Variants in RBFOX1 observed in about 807,000 individuals in gnomAD.
RBFOX1 encodes the protein RNA binding fox-1 homolog 1.
A neutral mutation model predicts 57.7 loss-of-function variants in RBFOX1; 8 were observed. The ratio of observed to expected loss-of-function variants is 0.14; its 90% CI spans 0.08 to 0.25. The LOEUF (loss-of-function observed/expected upper bound fraction) is 0.25, where lower values mean the gene tolerates loss of function less well. Ranked by LOEUF, RBFOX1 falls within the 10% of genes least tolerant of loss-of-function variation. The probability of loss-of-function intolerance (pLI) is 1.00; values close to 1 mark genes in which losing one functional copy is unlikely to be tolerated. For synonymous variants in RBFOX1, 326 were observed against 222.4 expected (o/e 1.47, Z -4.15); for missense variants, 611 against 548.5 (o/e 1.11, Z -1.14).
chr16:7,664,878 A>C lies in RBFOX1; in HGVS notation c.891-51A>C, dbSNP rs1342132247. ...CCAGTGCAGGGGTTGGTGTGTCTGC[A>C]TGGGAAATGCACTAATATGGATGTT... On this transcript the variant is annotated intron_variant, in intron 12 of 15. Transcript: ENST00000550418. 4.3e-6 allele frequency: 7 copies of C among 1,613,720 alleles called. No individual in the cohort carries two copies. In the Admixed American group the frequency reaches 6.7e-5, roughly 15 times the overall value.
intron 4 of RBFOX1, among the ~76,000 whole-genome samples, chr16:7,431,778 C>T (rs1386773306): frequency 6.6e-6 from 1 of 152,164 alleles, no homozygotes; most frequent in Non-Finnish European, 1.5e-5. Flanking sequence ...GCTTTAGACC[C>T]ACATTACTGA....
At position 7,510,156 on chromosome 16, in the gene RBFOX1, GC is replaced by G. The variant is rs537727471; in HGVS notation, c.28-7985del. ...GGGGGAGGTCAGCCAGGCGGCCTCA[GC>G]CCCCCACCTTCCTCAACACCCCGAT... On this transcript the variant is annotated intron_variant, in intron 4 of 15. Coordinates refer to ENST00000550418, the MANE Select transcript of RBFOX1 (RefSeq NM_018723.4). 97 of 985,764 alleles carry G rather than the reference GC, an allele frequency of 9.8e-5. No homozygotes were observed. In the Admixed American group the frequency reaches 1.5e-3, roughly 15 times the overall value. The allele number at this position is 985,764 out of a possible 1,614,324, so 61.1% of individuals were successfully genotyped here.
At chr16:6,322,006 G>C (rs8061624) in intron 2 of RBFOX1, among the ~76,000 whole-genome samples, 5,691 of 152,198 alleles carry the variant, frequency 0.037, 335 homozygotes, top group African/African-American at 0.13. Flanking sequence ...CTCACTCATT[G>C]ACCCATGGGC....
At chr16:6,263,256 C>A (rs1039280391) in intron 1 of RBFOX1, among the ~76,000 whole-genome samples, 3 of 152,116 alleles carry the variant, frequency 2.0e-5, no homozygotes, top group African/African-American at 7.2e-5. Context: ...TGTAGAAGTT[C>A]TTAGTCACCC....
Position 5,674,260 on chromosome 16 carries a change from C to G in RBFOX1, c.318+75299C>G, listed in dbSNP as rs139088302. 1.5e-4 allele frequency among the ~76,000 whole-genome samples: 23 copies of G among 152,264 alleles called. No individual in the cohort carries two copies. In the East Asian group the frequency reaches 3.3e-3, roughly 22 times the overall value. ...ATCTTTTAAAGCAATTGAATTTAAC[C>G]TGATTTAGGGTTCAGAGAAGCTGTT... On this transcript the variant is annotated intron_variant, in intron 3 of 19. Coordinates refer to the RBFOX1 transcript ENST00000641259.
chr16:5,589,586 C>T (rs752608174), intron 2 of RBFOX1, among the ~76,000 whole-genome samples: 1 of 152,222 alleles, frequency 6.6e-6, no homozygotes, highest in Non-Finnish European at 1.5e-5. Context: ...TCACACTATT[C>T]TACGTGTTGA....
intron 2 of RBFOX1, among the ~76,000 whole-genome samples, chr16:6,601,452 C>G (rs1273398371): frequency 1.3e-5 from 2 of 152,038 alleles, no homozygotes; most frequent in Admixed American, 6.6e-5. Context: ...TGTCATTTAC[C>G]TCTCCTCTTT....
chr16:7,082,369 C>A (rs975814801), intron 4 of RBFOX1, among the ~76,000 whole-genome samples: 8 of 151,850 alleles, frequency 5.3e-5, no homozygotes, highest in Non-Finnish European at 7.4e-5. Flanking sequence ...TCATTTGAGG[C>A]CAGGAGTTTG....
intron 4 of RBFOX1, among the ~76,000 whole-genome samples, chr16:7,399,306 G>A (rs2098196860): frequency 6.6e-6 from 1 of 150,478 alleles, no homozygotes; most frequent in Non-Finnish European, 1.5e-5. Context: ...AATTAGCCAA[G>A]TGCGATGGCG....
intron 1 of RBFOX1, among the ~76,000 whole-genome samples, chr16:5,253,699 T>G (rs1308710136): frequency 6.6e-6 from 1 of 152,252 alleles, no homozygotes; most frequent in Middle Eastern, 3.2e-3. Flanking sequence ...GGTCTCAATT[T>G]CTTGCAAGTC....
chr16:5,639,805 G>C (rs1041347195), intron 3 of RBFOX1, among the ~76,000 whole-genome samples: 2 of 152,180 alleles, frequency 1.3e-5, no homozygotes, highest in African/African-American at 4.8e-5. Flanking sequence ...CCCTGGGCTG[G>C]TGTCGCTCTG....
chr16:6,193,427 A>ATATATATTT (rs1567651849), intron 1 of RBFOX1, among the ~76,000 whole-genome samples: 1 of 61,142 alleles, frequency 1.6e-5, no homozygotes, highest in Non-Finnish European at 3.3e-5. Context: ...TATATATATA[A>ATATATATTT]AATTCAGTGA....
chr16:7,233,864 G>T (rs373081934), intron 4 of RBFOX1, among the ~76,000 whole-genome samples: 1 of 152,150 alleles, frequency 6.6e-6, no homozygotes, highest in Non-Finnish European at 1.5e-5. Context: ...TATTTCTGCC[G>T]ATCTTAGCCA....
intron 14 of RBFOX1, among the ~76,000 whole-genome samples, chr16:7,690,068 C>A: frequency 6.6e-6 from 1 of 152,104 alleles, no homozygotes; most frequent in East Asian, 1.9e-4. Flanking sequence ...GAATCCACTT[C>A]CTTGAATCTC....
chr16:5,817,939 C>T (rs560003539), intron 3 of RBFOX1, among the ~76,000 whole-genome samples: 1 of 151,996 alleles, frequency 6.6e-6, no homozygotes, highest in Admixed American at 6.5e-5. Context: ...TTCTACCCAC[C>T]TCGGCCTCCA....
chr16:7,098,367 G>A (rs548681628), intron 4 of RBFOX1, among the ~76,000 whole-genome samples: 1 of 151,970 alleles, frequency 6.6e-6, no homozygotes, highest in East Asian at 1.9e-4. Context: ...ATGGGGTTTC[G>A]CCATTTTAGC....
At chr16:5,735,531 G>A (rs1451954944) in intron 3 of RBFOX1, among the ~76,000 whole-genome samples, 1 of 152,172 alleles carries the variant, frequency 6.6e-6, no homozygotes, top group African/African-American at 2.4e-5. Context: ...CCCTTCTCCT[G>A]TTTTGATCAC....
chr16:5,701,149 T>C (rs1340265908), intron 3 of RBFOX1, among the ~76,000 whole-genome samples: 2 of 152,170 alleles, frequency 1.3e-5, no homozygotes, highest in African/African-American at 4.8e-5. Context: ...AATAAATCAA[T>C]CTTAAGTCTG....
intron 4 of RBFOX1, among the ~76,000 whole-genome samples, chr16:7,266,211 G>A (rs1179803641): frequency 6.9e-6 from 1 of 145,060 alleles, no homozygotes; most frequent in African/African-American, 2.6e-5. Context: ...TCCTGACCTC[G>A]TGACCCGGCC....
Sources: gnomAD v4.1 joint callset for allele counts (sites outside exome capture counted in the v4.1 genomes callset) on GRCh38, gnomAD v4.1.1 for gene constraint, MANE v1.5 for transcripts, NCBI Gene and HGNC (gene_info 2026-07-23, HGNC 2026-07-21) for gene names.